The following MED31 variants were observed in gnomAD, a reference collection of about 807,000 sequenced individuals.
MED31 encodes mediator of RNA polymerase II transcription subunit 31.
Under a neutral mutation model 22.0 loss-of-function variants are expected in MED31, and 11 were observed. The observed-to-expected ratio is 0.50, with a 90% CI of 0.31 to 0.83. The LOEUF is 0.83. MED31 is among the 40% of genes least tolerant of loss of function. The pLI, the probability that MED31 is intolerant of heterozygous loss-of-function variation, is 0.04. For missense variants in MED31, 122 were observed against 155.3 expected, an observed-to-expected ratio of 0.79 and a Z score of 1.14; for synonymous variants, 60 against 55.1, an observed-to-expected ratio of 1.09 and a Z score of -0.40.
At position 6,644,637 on chromosome 17, in the gene MED31, A is replaced by T. The variant is rs1296472184; in HGVS notation, c.226T>A (p.Leu76Ile). The change falls in exon 4 of 4, where the codon TTA becomes ATA. Residue 76 changes from leucine (L) to isoleucine (I), a missense_variant. By Grantham distance (5) the Leu-to-Ile change is conservative (BLOSUM62 2). Coordinates refer to ENST00000225728, the MANE Select transcript of MED31 (RefSeq NM_016060.3). ...AAGTGTTCATATTGGAGCAGCTCTA[A>T]CATGTGTAAACACTGAGGGTACCTG... is the stretch of plus-strand genomic sequence containing the variant. ...YLKYPQCLHM[L>I]ELLQYEHFRK... The T allele has an allele frequency of 6.3e-7, 1 of 1,596,536 alleles. No individual in the cohort carries two copies. Among genetic ancestry groups the T allele is most frequent in the Admixed American group, 1.8e-5 (1 of 55,032 alleles).
intron 3 of MED31, among the ~76,000 whole-genome samples, chr17:6,647,574 A>G (rs527390608): frequency 6.6e-6 from 1 of 152,376 alleles, no homozygotes; most frequent in African/African-American, 2.4e-5. Context: ...TGAACACCAC[A>G]TTGAATAGAG....
In MED31 at chr17:6,644,619, C is replaced by G; in HGVS notation, c.244G>C (p.Glu82Gln). 3 of 1,610,458 alleles carry G rather than the reference C, an allele frequency of 1.9e-6. No individual in the cohort carries two copies. The highest frequency in any genetic ancestry group is 2.5e-6 in the Non-Finnish European group (3 of 1,179,084). ...CLHMLELLQY[E>Q]HFRKELVNAQ... Reference sequence around the variant, plus strand: ...TTCACCAGCTCCTTTCGGAAGTGTTCATATTGGAGCAGCTCTAACATGTGT... The same window carrying G: ...TTCACCAGCTCCTTTCGGAAGTGTTGATATTGGAGCAGCTCTAACATGTGT... The change falls in exon 4 of 4, where the codon GAA becomes CAA. Residue 82 changes from glutamate (E) to glutamine (Q), a missense_variant. Glu to Gln is a conservative substitution (Grantham distance 29, BLOSUM62 2). Coordinates refer to ENST00000225728, the MANE Select transcript of MED31 (RefSeq NM_016060.3).
intron 3 of MED31, 107 bp downstream of exon 3, chr17:6,649,875 C>T (rs1972810525): frequency 8.8e-7 from 1 of 1,140,754 alleles, no homozygotes; most frequent in Non-Finnish European, 1.2e-6. Flanking sequence ...ACGGTGATAA[C>T]AAAAAGAAGT....
intron 3 of MED31, among the ~76,000 whole-genome samples, chr17:6,645,305 C>T (rs928830226): frequency 6.6e-6 from 1 of 152,092 alleles, no homozygotes; most frequent in Non-Finnish European, 1.5e-5. Flanking sequence ...TTAATATAGA[C>T]ATAGAATAAA....
rs757766547 is a variant in MED31 at position 6,651,561 on chromosome 17, G to C, written c.-33C>G. On this transcript the variant is annotated 5_prime_UTR_variant, in exon 1 of 4. Transcript: ENST00000225728. Reference sequence around the variant, plus strand: ...GAAGACACCAAAACGCCACCAGCCTGACAGAGCAAAAGCCCAGAGACGCGG... The same window carrying C: ...GAAGACACCAAAACGCCACCAGCCTCACAGAGCAAAAGCCCAGAGACGCGG... 2.5e-6 allele frequency: 4 copies of C among 1,613,730 alleles called. No homozygotes were observed. The African/African-American group carries it at 5.3e-5, about 22-fold the overall frequency.
At chr17:6,651,280 G>C in intron 1 of MED31, 1 of 590,638 alleles carries the variant, frequency 1.7e-6, no homozygotes, top group South Asian at 2.3e-5. Flanking sequence ...ACGCCAGGGA[G>C]CTGGTGGGGT....
chr17:6,646,995 T>C (rs1972775614), intron 3 of MED31, among the ~76,000 whole-genome samples: 1 of 152,250 alleles, frequency 6.6e-6, no homozygotes, highest in African/African-American at 2.4e-5. Flanking sequence ...AATACTGCTT[T>C]GTTGCTCTCT....
At chr17:6,647,167 A>G (rs1329908447) in intron 3 of MED31, among the ~76,000 whole-genome samples, 1 of 152,168 alleles carries the variant, frequency 6.6e-6, no homozygotes, top group Non-Finnish European at 1.5e-5. Flanking sequence ...CCTCGCCAAG[A>G]CAGTAAAAAT....
intron 3 of MED31, among the ~76,000 whole-genome samples, chr17:6,646,998 T>G (rs901339148): frequency 6.6e-6 from 1 of 152,252 alleles, no homozygotes; most frequent in Non-Finnish European, 1.5e-5. Flanking sequence ...ACTGCTTTGT[T>G]GCTCTCTGCT....
Position 6,644,182 on chromosome 17 carries a change from C to T in MED31, c.*285G>A. 1 of 462,406 alleles carries T rather than the reference C, an allele frequency of 2.2e-6. No homozygotes were observed. The highest frequency in any genetic ancestry group is 3.8e-6 in the Non-Finnish European group (1 of 264,700). 28.6% of individuals were successfully genotyped at this position (462,406 alleles called of 1,614,324 possible). On this transcript the variant is annotated 3_prime_UTR_variant, in exon 4 of 4. Transcript: ENST00000225728. ...CCACCCCTACCCCATGCCCCAGTGC[C>T]TTATTTGGTCTAAAGCACCTAACTT...
chr17:6,650,669 A>G (rs1180117591), intron 1 of MED31, among the ~76,000 whole-genome samples: 1 of 152,232 alleles, frequency 6.6e-6, no homozygotes, highest in African/African-American at 2.4e-5. Context: ...AAACAGCAAC[A>G]CAAACGGAGA....
intron 3 of MED31, among the ~76,000 whole-genome samples, chr17:6,645,844 G>T (rs1233383899): frequency 1.3e-5 from 2 of 152,038 alleles, no homozygotes; most frequent in Non-Finnish European, 1.5e-5. Context: ...GCTAAAACAG[G>T]CAAAATACAT....
intron 1 of MED31, 102 bp downstream of exon 1, chr17:6,651,399 T>G (rs1750352434): frequency 1.4e-6 from 2 of 1,461,992 alleles, no homozygotes; most frequent in Admixed American, 4.2e-5. Context: ...TGTCCAAATA[T>G]TAACCCTGCC....
chr17:6,646,052 C>G (rs1280007404), intron 3 of MED31, among the ~76,000 whole-genome samples: 1 of 152,084 alleles, frequency 6.6e-6, no homozygotes, highest in Non-Finnish European at 1.5e-5. Context: ...TCATTTCTGT[C>G]ATAGTCATGG....
intron 3 of MED31, 38 bp downstream of exon 3, chr17:6,649,944 A>G (rs1489244267): frequency 6.6e-7 from 1 of 1,518,638 alleles, no homozygotes. Context: ...TATATAATAA[A>G]GTATACACAT....
At chr17:6,646,333 A>G (rs56038394) in intron 3 of MED31, among the ~76,000 whole-genome samples, 21,864 of 152,218 alleles carry the variant, frequency 0.14, 1,784 homozygotes, top group African/African-American at 0.2. Flanking sequence ...TTTCAAGTTG[A>G]AAAGACATAA....
intron 3 of MED31, among the ~76,000 whole-genome samples, chr17:6,649,272 T>C (rs1341160889): frequency 2.0e-5 from 3 of 151,868 alleles, no homozygotes; most frequent in Non-Finnish European, 2.9e-5. Context: ...GGTTATAATA[T>C]GTTTCTTGCA....
chr17:6,645,963 A>G lies in MED31; in HGVS notation c.204-1304T>C, dbSNP rs76400802. ...GAGAAACCTAGACGGTACCACCCTC[A>G]ACCAAGTTACCAAAATTTACGTCAC... On this transcript the variant is annotated intron_variant, in intron 3 of 3. Transcript: ENST00000225728. Among the ~76,000 whole-genome samples, 1,196 of 152,348 alleles carry G rather than the reference A, an allele frequency of 7.9e-3. 7 individuals carry two copies. Among genetic ancestry groups the G allele is most frequent in the Non-Finnish European group, 0.013 (913 of 68,032 alleles).
In MED31 at chr17:6,651,598, G is replaced by A. The variant is rs188389588; in HGVS notation, c.-70C>T. 25 of 1,606,966 alleles carry A rather than the reference G, an allele frequency of 1.6e-5. No homozygotes were observed. In the African/African-American group the frequency reaches 2.1e-4, roughly 14 times the overall value. On this transcript the variant is annotated 5_prime_UTR_variant, in exon 1 of 4. Transcript: ENST00000225728. The stretch of plus-strand genomic sequence containing the variant: ...GCCCAGAGACGCGGGCGAAGTTCCG[G>A]AAACCACGGCTCCCTCTTCCGGTCC...
Sources: gnomAD v4.1 joint callset for allele counts (sites outside exome capture counted in the v4.1 genomes callset) on GRCh38, gnomAD v4.1.1 for gene constraint, MANE v1.5 for transcripts, NCBI Gene and HGNC (gene_info 2026-07-23, HGNC 2026-07-21) for gene names.